The following MACROD2 variants were observed in gnomAD, a reference collection of about 807,000 sequenced individuals.
MACROD2 encodes the protein ADP-ribose glycohydrolase MACROD2.
Under a neutral mutation model 70.4 loss-of-function variants are expected in MACROD2, and 36 were observed. The observed-to-expected ratio is 0.51, with a 90% CI of 0.39 to 0.68. The LOEUF is 0.68. MACROD2 is among the 30% of genes least tolerant of loss of function. MACROD2 has a pLI of 0.00. For synonymous variants in MACROD2, 172 were observed against 178.8 expected, an observed-to-expected ratio of 0.96 and a Z score of 0.30; for missense variants, 496 against 538.4, an observed-to-expected ratio of 0.92 and a Z score of 0.78.
chr20:15,879,970 G>A (rs957721079), intron 9 of MACROD2, among the ~76,000 whole-genome samples: 1 of 152,072 alleles, frequency 6.6e-6, no homozygotes, highest in Non-Finnish European at 1.5e-5. Flanking sequence ...TAGTAGAAAG[G>A]CAATGAGGCC....
chr20:14,195,142 T>C (rs995594111), intron 3 of MACROD2, among the ~76,000 whole-genome samples: 1 of 152,216 alleles, frequency 6.6e-6, no homozygotes, highest in Non-Finnish European at 1.5e-5. Context: ...ATATGCATTT[T>C]ATTATTAAAA....
intron 5 of MACROD2, among the ~76,000 whole-genome samples, chr20:14,947,610 A>G (rs2074443094): frequency 6.6e-6 from 1 of 152,146 alleles, no homozygotes; most frequent in South Asian, 2.1e-4. Context: ...AGTCACCTAG[A>G]GGGCTTATTA....
intron 2 of MACROD2, among the ~76,000 whole-genome samples, chr20:14,021,075 C>T (rs978084336): frequency 3.8e-4 from 57 of 150,908 alleles, no homozygotes; most frequent in Middle Eastern, 3.5e-3. Flanking sequence ...CTGCAAGCTC[C>T]GCCTCCCAGG....
intron 4 of MACROD2, among the ~76,000 whole-genome samples, chr20:14,599,157 A>G (rs934178095): frequency 1.3e-5 from 2 of 152,202 alleles, no homozygotes; most frequent in Non-Finnish European, 1.5e-5. Context: ...TGTATTAAGT[A>G]CAGTAATAAA....
chr20:15,893,596 T>C, intron 10 of MACROD2: 1 of 406,130 alleles, frequency 2.5e-6, no homozygotes. Context: ...AAATTTTCTT[T>C]TGAAATGTTG....
At chr20:15,680,561 G>T (rs2050147236) in intron 8 of MACROD2, among the ~76,000 whole-genome samples, 1 of 152,178 alleles carries the variant, frequency 6.6e-6, no homozygotes, top group Non-Finnish European at 1.5e-5. Flanking sequence ...AACCTTGATT[G>T]GCCACTACCT....
intron 5 of MACROD2, among the ~76,000 whole-genome samples, chr20:14,775,878 G>A (rs1021798369): frequency 6.6e-5 from 10 of 151,822 alleles, no homozygotes; most frequent in African/African-American, 2.4e-4. Flanking sequence ...GAAAAAAAAA[G>A]ATCTGTCCTC....
chr20:15,481,090 A>G (rs2047090943), intron 7 of MACROD2, among the ~76,000 whole-genome samples: 1 of 152,256 alleles, frequency 6.6e-6, no homozygotes, highest in South Asian at 2.1e-4. Context: ...GACCACACGT[A>G]TTTAATATTT....
At chr20:14,104,239 A>C (rs999114988) in intron 3 of MACROD2, among the ~76,000 whole-genome samples, 1 of 152,160 alleles carries the variant, frequency 6.6e-6, no homozygotes, top group Non-Finnish European at 1.5e-5. Flanking sequence ...ACCTTTTGGT[A>C]TTACCTTCTG....
intron 3 of MACROD2, among the ~76,000 whole-genome samples, chr20:14,381,371 G>A (rs556310803): frequency 3.3e-5 from 5 of 152,106 alleles, no homozygotes; most frequent in African/African-American, 7.2e-5. Flanking sequence ...TTTCAAATGA[G>A]TGATCGTTGA....
chr20:15,026,828 C>G (rs139168633), intron 5 of MACROD2, among the ~76,000 whole-genome samples: 1 of 152,258 alleles, frequency 6.6e-6, no homozygotes, highest in Admixed American at 6.5e-5. Flanking sequence ...TGCTAGGGCA[C>G]TCAGTCTGGA....
chr20:16,023,343 C>T (rs950216036), intron 15 of MACROD2, among the ~76,000 whole-genome samples: 3 of 151,914 alleles, frequency 2.0e-5, no homozygotes, highest in African/African-American at 4.8e-5. Context: ...GGCATGGTGG[C>T]GGGCTCCTGT....
At chr20:14,250,463 G>A (rs974916923) in intron 3 of MACROD2, among the ~76,000 whole-genome samples, 2 of 151,980 alleles carry the variant, frequency 1.3e-5, no homozygotes, top group African/African-American at 4.8e-5. Flanking sequence ...TACCCTCCAT[G>A]CTACTACCGA....
intron 5 of MACROD2, among the ~76,000 whole-genome samples, chr20:14,794,172 A>G (rs1423364902): frequency 6.6e-6 from 1 of 152,062 alleles, no homozygotes; most frequent in East Asian, 1.9e-4. Flanking sequence ...GGCTCCTTTC[A>G]TTTCGTCTAC....
chr20:15,067,778 G>C (rs922002623), intron 5 of MACROD2, among the ~76,000 whole-genome samples: 1 of 152,144 alleles, frequency 6.6e-6, no homozygotes, highest in Non-Finnish European at 1.5e-5. Flanking sequence ...TTGGATGGGG[G>C]TGGGGAATGG....
chr20:14,354,821 G>A (rs6110259), intron 3 of MACROD2, among the ~76,000 whole-genome samples: 29,546 of 151,940 alleles, frequency 0.19, 3,021 homozygotes, highest in East Asian at 0.31. Context: ...TTTGTTCATG[G>A]CTATTGGCTT....
intron 5 of MACROD2, among the ~76,000 whole-genome samples, chr20:15,076,945 A>G (rs1345810337): frequency 6.6e-6 from 1 of 152,174 alleles, no homozygotes; most frequent in African/African-American, 2.4e-5. Flanking sequence ...TCAAGTCCAT[A>G]AAATTTGCAA....
intron 8 of MACROD2, among the ~76,000 whole-genome samples, chr20:15,503,741 T>C (rs1600504656): frequency 6.6e-6 from 1 of 152,302 alleles, no homozygotes; most frequent in African/African-American, 2.4e-5. Context: ...ATCATGACTG[T>C]GTCTGTCCAT....
chr20:14,227,467 G>C (rs967115229), intron 3 of MACROD2, among the ~76,000 whole-genome samples: 2 of 151,570 alleles, frequency 1.3e-5, no homozygotes, highest in African/African-American at 2.4e-5. Context: ...CGGGAGGAAC[G>C]AACAACTCCA....
Sources: allele counts gnomAD v4.1 joint callset (sites outside exome capture counted in the v4.1 genomes callset), GRCh38; gene constraint gnomAD v4.1.1; transcripts MANE v1.5; gene names NCBI Gene and HGNC (gene_info 2026-07-23, HGNC 2026-07-21).